Variants in GRM5 observed in about 807,000 individuals in gnomAD.
GRM5 encodes metabotropic glutamate receptor 5.
In GRM5, 19 loss-of-function variants were observed where a neutral mutation model predicts 83.1. That is an observed-to-expected ratio of 0.23 (90% CI 0.16 to 0.34). GRM5 has a LOEUF of 0.34. GRM5 is among the 10% of genes least tolerant of loss of function. The pLI, the probability that GRM5 is intolerant of heterozygous loss-of-function variation, is 1.00. For missense variants in GRM5, 1,160 were observed against 1,588.3 expected, an observed-to-expected ratio of 0.73 and a Z score of 4.58; for synonymous variants, 675 against 633.6, an observed-to-expected ratio of 1.07 and a Z score of -0.98.
At chr11:88,965,670 G>T (rs1423343906) in intron 2 of GRM5, among the ~76,000 whole-genome samples, 7 of 151,872 alleles carry the variant, frequency 4.6e-5, no homozygotes, top group African/African-American at 1.7e-4. Context: ...GGAGTAAAAA[G>T]GTACACAATC....
At chr11:88,568,703 C>A (rs1334853955) in intron 7 of GRM5, among the ~76,000 whole-genome samples, 1 of 151,940 alleles carries the variant, frequency 6.6e-6, no homozygotes. Context: ...TATTTTAGAG[C>A]CATATAGAGT....
At chr11:88,826,281 G>T (rs1464005635) in intron 3 of GRM5, among the ~76,000 whole-genome samples, 1 of 151,800 alleles carries the variant, frequency 6.6e-6, no homozygotes, top group African/African-American at 2.4e-5. Flanking sequence ...AAAAAAGATG[G>T]TTTCTTCATT....
chr11:88,517,947 C>A (rs936507975), intron 9 of GRM5, among the ~76,000 whole-genome samples: 5 of 151,876 alleles, frequency 3.3e-5, no homozygotes, highest in African/African-American at 9.7e-5. Context: ...TGTCTATTTA[C>A]AAAATGTTTT....
chr11:88,867,929 T>C (rs1406779417), intron 2 of GRM5, among the ~76,000 whole-genome samples: 1 of 151,932 alleles, frequency 6.6e-6, no homozygotes, highest in Non-Finnish European at 1.5e-5. Flanking sequence ...ACCAAAACTT[T>C]CAGTCACAAA....
intron 2 of GRM5, among the ~76,000 whole-genome samples, chr11:89,028,955 G>A (rs975432893): frequency 6.7e-5 from 10 of 149,466 alleles, no homozygotes; most frequent in Admixed American, 2.0e-4. Flanking sequence ...ACCCCCCTAC[G>A]TACCCTCCCT....
chr11:88,581,735 A>G (rs1460232496), intron 7 of GRM5, among the ~76,000 whole-genome samples: 1 of 151,758 alleles, frequency 6.6e-6, no homozygotes, highest in Non-Finnish European at 1.5e-5. Context: ...TTTGGTATTT[A>G]GGAAAGGATA....
intron 2 of GRM5, among the ~76,000 whole-genome samples, chr11:88,966,971 G>A (rs1938994897): frequency 6.6e-6 from 1 of 152,014 alleles, no homozygotes. Flanking sequence ...AGCTAGCTGT[G>A]GCCATGCAGC....
chr11:88,633,474 A>G (rs759726475), intron 4 of GRM5, among the ~76,000 whole-genome samples: 1 of 152,060 alleles, frequency 6.6e-6, no homozygotes, highest in Non-Finnish European at 1.5e-5. Flanking sequence ...TAGATATTTT[A>G]TAGTTTTAGG....
chr11:88,766,441 A>G (rs1013889330), intron 3 of GRM5, among the ~76,000 whole-genome samples: 5 of 152,026 alleles, frequency 3.3e-5, no homozygotes, highest in African/African-American at 1.2e-4. Flanking sequence ...AACCTAGCAA[A>G]AAGAAGCAAT....
chr11:88,975,596 G>T (rs1482364325), intron 2 of GRM5, among the ~76,000 whole-genome samples: 2 of 152,130 alleles, frequency 1.3e-5, no homozygotes, highest in Non-Finnish European at 2.9e-5. Context: ...AGAAACATTG[G>T]CATCACCTGG....
intron 2 of GRM5, among the ~76,000 whole-genome samples, chr11:88,858,737 G>C (rs1325202043): frequency 6.6e-6 from 1 of 151,948 alleles, no homozygotes; most frequent in Non-Finnish European, 1.5e-5. Flanking sequence ...TGAATGAACT[G>C]ATACAAACAT....
At chr11:88,929,451 T>G (rs1193336701) in intron 2 of GRM5, among the ~76,000 whole-genome samples, 1 of 152,126 alleles carries the variant, frequency 6.6e-6, no homozygotes, top group Non-Finnish European at 1.5e-5. Context: ...ATATTTAAAC[T>G]ATCCTATATA....
At chr11:88,566,539 T>A (rs1024950163) in intron 8 of GRM5, among the ~76,000 whole-genome samples, 2 of 152,162 alleles carry the variant, frequency 1.3e-5, no homozygotes, top group African/African-American at 4.8e-5. Context: ...AGAACTAAAA[T>A]ATAAATCCTA....
At chr11:88,743,810 C>T (rs1039478721) in intron 3 of GRM5, among the ~76,000 whole-genome samples, 1 of 152,098 alleles carries the variant, frequency 6.6e-6, no homozygotes, top group Non-Finnish European at 1.5e-5. Flanking sequence ...CATATTGTAG[C>T]CCCATAAGCA....
chr11:88,767,139 G>A (rs924335592), intron 3 of GRM5, among the ~76,000 whole-genome samples: 14 of 152,002 alleles, frequency 9.2e-5, no homozygotes, highest in Admixed American at 7.9e-4. Context: ...CTGAGCCATT[G>A]TTCCTGGCCG....
chr11:88,974,413 A>ATAGATAGATAGATAGATAGATAGG (rs1284568963), intron 2 of GRM5, among the ~76,000 whole-genome samples: 5 of 151,676 alleles, frequency 3.3e-5, no homozygotes, highest in African/African-American at 1.2e-4. Flanking sequence ...AGATAGATAG[A>ATAGATAGATAGATAGATAGATAGG]TAGATAGATA....
At chr11:88,730,882 AG>A (rs1271551680) in intron 3 of GRM5, among the ~76,000 whole-genome samples, 1 of 152,086 alleles carries the variant, frequency 6.6e-6, no homozygotes, top group Non-Finnish European at 1.5e-5. Flanking sequence ...GTCGGGGGCT[AG>A]GGGAGGGATA....
At chr11:88,978,858 A>C (rs754707599) in intron 2 of GRM5, among the ~76,000 whole-genome samples, 21 of 152,158 alleles carry the variant, frequency 1.4e-4, no homozygotes, top group Non-Finnish European at 2.8e-4. Flanking sequence ...CTTGTCAAAG[A>C]CACACATTCA....
chr11:88,799,530 TA>T (rs1429906127), intron 3 of GRM5, among the ~76,000 whole-genome samples: 1 of 152,124 alleles, frequency 6.6e-6, no homozygotes, highest in East Asian at 1.9e-4. Flanking sequence ...GCAGTGGAGT[TA>T]TATATAATAT....
Sources: allele counts gnomAD v4.1 joint callset (sites outside exome capture counted in the v4.1 genomes callset), GRCh38; gene constraint gnomAD v4.1.1; transcripts MANE v1.5; gene names NCBI Gene and HGNC (gene_info 2026-07-23, HGNC 2026-07-21).